Variants in SLC17A9 observed in about 807,000 individuals in gnomAD.
SLC17A9 encodes voltage-gated purine nucleotide uniporter SLC17A9.
In SLC17A9, 49 loss-of-function variants were observed where a neutral mutation model predicts 55.0. The ratio of observed to expected loss-of-function variants is 0.89; its 90% CI spans 0.71 to 1.13. The LOEUF (loss-of-function observed/expected upper bound fraction) is 1.13, where lower values mean the gene tolerates loss of function less well. SLC17A9 is among the 50% of genes most tolerant of loss of function. SLC17A9 has a pLI of 0.00. For synonymous variants in SLC17A9, 256 were observed against 247.4 expected, an observed-to-expected ratio of 1.03 and a Z score of -0.32; for missense variants, 526 against 569.3, an observed-to-expected ratio of 0.92 and a Z score of 0.77.
chr20:62,966,006 C>T (rs141677252), intron 10 of SLC17A9, among the ~76,000 whole-genome samples: 2 of 152,352 alleles, frequency 1.3e-5, no homozygotes, highest in East Asian at 1.9e-4. Context: ...TCCATGAAGA[C>T]GGGCAGCTGG....
chr20:62,962,884 C>A lies in SLC17A9; in HGVS notation c.628+130C>A. The A allele has an allele frequency of 7.2e-7, 1 of 1,383,384 alleles. No individual in the cohort carries two copies. The highest frequency in any genetic ancestry group is 9.8e-7 in the Non-Finnish European group (1 of 1,023,378). The allele number at this position is 1,383,384 out of a possible 1,614,324, so 85.7% of individuals were successfully genotyped here. ...GGCTTTGACCTCCCAAAGAATCCGC[C>A]AGTGAGGAAAAGCGCTCGGGTGCTG... On this transcript the variant is annotated intron_variant, in intron 5 of 12. Transcript: ENST00000370351. The surrounding 1 kb of genome is among the most constrained non-coding windows in gnomAD (Gnocchi z 5.5).
chr20:62,959,510 T>C (rs2065570809), intron 3 of SLC17A9, among the ~76,000 whole-genome samples: 1 of 152,196 alleles, frequency 6.6e-6, no homozygotes, highest in East Asian at 1.9e-4. Context: ...GGCTTTGCCG[T>C]GTTTGTGCAC....
At chr20:62,966,393 A>G (rs2065638828) in intron 10 of SLC17A9, 132 bp from the exon 11 acceptor site, 4 of 969,638 alleles carry the variant, frequency 4.1e-6, no homozygotes, top group Non-Finnish European at 6.2e-6. Flanking sequence ...CTGGCCAGGG[A>G]GCAGGCCTGA....
intron 3 of SLC17A9, among the ~76,000 whole-genome samples, 157 bp downstream of exon 3, chr20:62,957,737 T>C (rs999793888): frequency 1.3e-5 from 2 of 148,508 alleles, no homozygotes; most frequent in African/African-American, 2.5e-5. Context: ...CACCTGTGTG[T>C]GTGTGCGTGT....
intron 2 of SLC17A9, 43 bp downstream of exon 2, chr20:62,957,005 C>G: frequency 6.2e-7 from 1 of 1,610,514 alleles, no homozygotes; most frequent in Non-Finnish European, 8.5e-7. Flanking sequence ...TGGGGGCCGC[C>G]CCACTGGGGC....
intron 4 of SLC17A9, among the ~76,000 whole-genome samples, chr20:62,961,976 T>C (rs376882277): frequency 6.6e-6 from 1 of 152,110 alleles, no homozygotes; most frequent in African/African-American, 2.4e-5. Context: ...AGGCCCCGCT[T>C]TGGGGCTCTC....
In SLC17A9 at chr20:62,965,630, C is replaced by G; in HGVS notation, c.966C>G (p.Ser322=). ...KLMQGMGLGL[S]SVFALCLGHT... ...TGCAGGGCATGGGCCTTGGCCTCTC[C>G]AGCGTCTTTGCTCTGTGCCTGGGCC... The change falls in exon 10 of 13, where the codon TCC becomes TCG. Residue 322 remains serine, a synonymous_variant. Coordinates refer to ENST00000370351, the MANE Select transcript of SLC17A9 (RefSeq NM_022082.4). 6.2e-7 allele frequency: 1 copy of G among 1,613,564 alleles called. No individual in the cohort carries two copies. The highest frequency in any genetic ancestry group is 8.5e-7 in the Non-Finnish European group (1 of 1,180,028).
intron 1 of SLC17A9, among the ~76,000 whole-genome samples, chr20:62,955,441 C>T (rs948260408): frequency 6.6e-5 from 10 of 151,682 alleles, no homozygotes; most frequent in Non-Finnish European, 8.8e-5. Flanking sequence ...CCACCATGCC[C>T]GGCCCTGGCT....
chr20:62,967,355 T>C lies in SLC17A9; in HGVS notation c.1166T>C (p.Leu389Pro), dbSNP rs746911885. The change falls in exon 13 of 13, where the codon CTA (leucine) becomes CCA (proline). Residue 389 changes from leucine (L) to proline (P), a missense_variant. By Grantham distance (98) the Leu-to-Pro change is moderately conservative. Transcript: ENST00000370351. Reference protein sequence around the residue: ...GALAGVVGVCLGGYLMETTGS... With the variant: ...GALAGVVGVCPGGYLMETTGS... ...TGGGCAGGTGTCGTGGGTGTGTGTC[T>C]AGGCGGCTACTTGATGGAGACCACG... is the stretch of plus-strand genomic sequence containing the variant. 2 of 1,614,036 alleles carry C rather than the reference T, an allele frequency of 1.2e-6. No homozygotes were observed. Among genetic ancestry groups the C allele is most frequent in the Non-Finnish European group, 1.7e-6 (2 of 1,179,962 alleles).
At chr20:62,960,410 A>G (rs2065579293) in intron 3 of SLC17A9, 94 bp from the exon 4 acceptor site, 2 of 1,168,830 alleles carry the variant, frequency 1.7e-6, no homozygotes, top group African/African-American at 1.5e-5. Flanking sequence ...GGACAGGTGG[A>G]CGTCCTCTGG....
chr20:62,962,395 G>A lies in SLC17A9; in HGVS notation c.498-229G>A, dbSNP rs2147655176. ...GCCGCCCGACTGGGACACATGCGTG[G>A]CTGGTCCCAGGTTCGCCCCAGCCCT... On this transcript the variant is annotated intron_variant, in intron 4 of 12. Transcript: ENST00000370351. This position sits in a 1 kb window ranked among gnomAD's most constrained non-coding sequence, Gnocchi z 5.5. 2.5e-6 allele frequency: 1 copy of A among 404,108 alleles called. No homozygotes were observed. The highest frequency in any genetic ancestry group is 5.0e-5 in the East Asian group (1 of 20,070). 25.0% of individuals were successfully genotyped at this position (404,108 alleles called of 1,614,324 possible).
chr20:62,959,045 T>C (rs2065566403), intron 3 of SLC17A9, among the ~76,000 whole-genome samples: 1 of 152,092 alleles, frequency 6.6e-6, no homozygotes, highest in South Asian at 2.1e-4. Context: ...AATGAACGAA[T>C]CGGCAACCAC....
intron 5 of SLC17A9, 151 bp from the exon 6 acceptor site, chr20:62,963,122 G>A (rs1194498863): frequency 2.6e-6 from 2 of 772,208 alleles, no homozygotes; most frequent in East Asian, 2.7e-5. Context: ...TCTGGTAGGG[G>A]AGGCCAAGGG....
Position 62,966,685 on chromosome 20 carries a change from G to A in SLC17A9, c.1118-18G>A, listed in dbSNP as rs779825324. The A allele has an allele frequency of 4.5e-5, 73 of 1,613,720 alleles. No homozygotes were observed. Among genetic ancestry groups the A allele is most frequent in the Non-Finnish European group, 5.9e-5 (70 of 1,179,924 alleles). On this transcript the variant is annotated intron_variant, in intron 11 of 12. Coordinates refer to ENST00000370351, the MANE Select transcript of SLC17A9 (RefSeq NM_022082.4). ...TTGCTGACCATCCATATTCTCTCTCGCTCTGGCCTCTTCACAGGTGTGGCC... is the reference window on the plus strand; with the variant it reads ...TTGCTGACCATCCATATTCTCTCTCACTCTGGCCTCTTCACAGGTGTGGCC...
chr20:62,956,060 G>T (rs912944641), intron 1 of SLC17A9, among the ~76,000 whole-genome samples: 1 of 152,262 alleles, frequency 6.6e-6, no homozygotes, highest in African/African-American at 2.4e-5. Flanking sequence ...AGAGCAGGAG[G>T]TGTCAGAGGA....
chr20:62,960,816 C>G (rs1404036036), intron 4 of SLC17A9, among the ~76,000 whole-genome samples: 1 of 152,264 alleles, frequency 6.6e-6, no homozygotes, highest in Non-Finnish European at 1.5e-5. Flanking sequence ...ATATTTCTGC[C>G]TTTCTGGAGT....
chr20:62,955,477 GTTTTGTTTTT>G (rs933819080), intron 1 of SLC17A9, among the ~76,000 whole-genome samples: 2 of 151,680 alleles, frequency 1.3e-5, no homozygotes, highest in Non-Finnish European at 2.9e-5. Context: ...TTTTTGTTTT[GTTTTGTTTTT>G]TTTTGTAGAG....
At position 62,966,552 on chromosome 20, in the gene SLC17A9, G is replaced by A. The variant is rs1319433314; in HGVS notation, c.1089G>A (p.Leu363=). The part of the protein sequence containing the change: ...HSGISVNIQD[L]APSCAGFLFG... ...GCATTTCTGTTAACATCCAGGACTT[G>A]GCCCCGTCCTGCGCCGGCTTTCTGT... Residue 363 remains leucine (L), a synonymous_variant, in exon 11 of 13, where the codon TTG becomes TTA. Transcript: ENST00000370351. 1 of 1,613,504 alleles carries A rather than the reference G, an allele frequency of 6.2e-7. No individual in the cohort carries two copies. The highest frequency in any genetic ancestry group is 1.3e-5 in the African/African-American group (1 of 74,852).
chr20:62,963,823 C>G (rs1450068418), intron 7 of SLC17A9, 143 bp downstream of exon 7: 9 of 768,008 alleles, frequency 1.2e-5, no homozygotes, highest in African/African-American at 1.7e-5. Context: ...CTGCCAGGCT[C>G]TTCCTCTGGA....
Sources: gnomAD v4.1 joint callset for allele counts (sites outside exome capture counted in the v4.1 genomes callset) on GRCh38, gnomAD v4.1.1 for gene constraint, Gnocchi (gnomAD v3.1) non-coding constraint, MANE v1.5 for transcripts, NCBI Gene and HGNC (gene_info 2026-07-23, HGNC 2026-07-21) for gene names.